TTC39A: variants seen among roughly 807,000 people sequenced by gnomAD.
TTC39A encodes tetratricopeptide repeat domain 39A.
TTC39A carries 46 observed loss-of-function variants against 82.3 expected under a neutral mutation model. The ratio of observed to expected loss-of-function variants is 0.56; its 90% CI spans 0.44 to 0.71. TTC39A has a LOEUF of 0.71. Ranked by LOEUF, TTC39A falls within the 30% of genes least tolerant of loss-of-function variation. The pLI is 0.00. For synonymous variants in TTC39A, 254 were observed against 275.2 expected (o/e 0.92, Z 0.76); for missense variants, 543 against 712.9 (o/e 0.76, Z 2.71).
At chr1:51,315,884 G>C (rs985781007) in intron 2 of TTC39A, among the ~76,000 whole-genome samples, 3 of 152,204 alleles carry the variant, frequency 2.0e-5, no homozygotes, top group African/African-American at 2.4e-5. Context: ...AGCTTCACGG[G>C]TGTGTGGTCT....
chr1:51,327,062 C>T (rs1351045896), intron 1 of TTC39A, among the ~76,000 whole-genome samples: 1 of 152,212 alleles, frequency 6.6e-6, no homozygotes, highest in African/African-American at 2.4e-5. Flanking sequence ...GAGCCGCCCC[C>T]ACTCTCCCCT....
intron 12 of TTC39A, chr1:51,300,438 G>T (rs1433971661): frequency 6.6e-6 from 1 of 152,404 alleles, no homozygotes; most frequent in Admixed American, 6.5e-5. Context: ...ATGTGGGTCA[G>T]TTCTAACGGC....
At chr1:51,326,685 C>G (rs1465762485) in intron 1 of TTC39A, among the ~76,000 whole-genome samples, 1 of 152,154 alleles carries the variant, frequency 6.6e-6, no homozygotes, top group African/African-American at 2.4e-5. Flanking sequence ...CTCTCAGGAG[C>G]CTGGGAGAAG....
chr1:51,315,364 C>G (rs1277402814), intron 2 of TTC39A, among the ~76,000 whole-genome samples: 1 of 152,206 alleles, frequency 6.6e-6, no homozygotes, highest in Non-Finnish European at 1.5e-5. Flanking sequence ...AGCTTGTACC[C>G]AAGTTTGTAT....
chr1:51,302,815 G>A (rs1644724084), intron 9 of TTC39A, among the ~76,000 whole-genome samples: 1 of 152,166 alleles, frequency 6.6e-6, no homozygotes, highest in Non-Finnish European at 1.5e-5. Context: ...AGAACCATAA[G>A]GTGCTGTACA....
chr1:51,309,457 C>A, intron 5 of TTC39A, 132 bp from the exon 6 acceptor site: 1 of 1,519,346 alleles, frequency 6.6e-7, no homozygotes, highest in Non-Finnish European at 8.8e-7. Context: ...GGAGGTCAGC[C>A]AAACCAGGCC....
intron 14 of TTC39A, among the ~76,000 whole-genome samples, chr1:51,291,240 C>T (rs1644202984): frequency 6.6e-6 from 1 of 152,128 alleles, no homozygotes; most frequent in Non-Finnish European, 1.5e-5. Flanking sequence ...CCTGTAATCC[C>T]AGCACTTTGG....
At chr1:51,314,971 C>T (rs1645229133) in intron 2 of TTC39A, among the ~76,000 whole-genome samples, 1 of 152,216 alleles carries the variant, frequency 6.6e-6, no homozygotes, top group Non-Finnish European at 1.5e-5. Flanking sequence ...TAAAGTCCTT[C>T]TCCTCGAGGA....
chr1:51,320,246 G>A lies in TTC39A; in HGVS notation c.146+1475C>T, dbSNP rs149187438. Among the ~76,000 whole-genome samples the A allele has an allele frequency of 4.6e-3, 701 of 152,004 alleles. 5 individuals are homozygous for A. Among genetic ancestry groups the A allele is most frequent in the African/African-American group, 0.015 (642 of 41,426 alleles). On this transcript the variant is annotated intron_variant, in intron 2 of 17. Coordinates refer to ENST00000680483, the MANE Select transcript of TTC39A (RefSeq NM_001297663.2). ...TGATGGAGTGGTTATAAAGACTTAC[G>A]GATAAATGTTTAGCAAATTAGGCCA...
chr1:51,294,318 C>T lies in TTC39A; in HGVS notation c.1266+73G>A, dbSNP rs371093230. The T allele has an allele frequency of 4.0e-5, 64 of 1,603,200 alleles. No homozygotes were observed. The East Asian group carries it at 1.1e-3, about 28-fold the overall frequency. ...GGTCTTTCTCCTCATCCACCTCCCC[C>T]TGGCTGTGGCTCTCAGTGAATCCCC... On this transcript the variant is annotated intron_variant, in intron 14 of 17. Transcript: ENST00000680483. The surrounding 1 kb of genome is among the most constrained non-coding windows in gnomAD (Gnocchi z 4.3).
chr1:51,311,725 ATGT>A (rs1188999139), intron 4 of TTC39A, among the ~76,000 whole-genome samples: 1 of 152,124 alleles, frequency 6.6e-6, no homozygotes, highest in Non-Finnish European at 1.5e-5. Context: ...ACTTCTTCTC[ATGT>A]TGTCCCATTG....
Position 51,294,660 on chromosome 1 carries a change from A to G in TTC39A, c.1146-149T>C. ...AGTGTTAGACTCTAAAGAGCCTTCT[A>G]GGTCTGAAATAGCCTGCGGCTATAA... On this transcript the variant is annotated intron_variant, in intron 13 of 17. Transcript: ENST00000680483. This position sits in a 1 kb window ranked among gnomAD's most constrained non-coding sequence, Gnocchi z 4.3. The G allele has an allele frequency of 7.9e-7, 1 of 1,259,482 alleles. No homozygotes were observed. The allele number at this position is 1,259,482 out of a possible 1,614,324, so 78.0% of individuals were successfully genotyped here. A position where few individuals can be genotyped will look rare whatever the true frequency, so the allele number is the denominator to read the frequency against.
intron 1 of TTC39A, chr1:51,344,898 C>T (rs2148326252): frequency 7.0e-7 from 1 of 1,438,512 alleles, no homozygotes; most frequent in Non-Finnish European, 9.3e-7. Context: ...CCCAGCTGTG[C>T]CTCTCAGCTG....
At chr1:51,290,853 G>A (rs889447401) in intron 14 of TTC39A, among the ~76,000 whole-genome samples, 3 of 152,216 alleles carry the variant, frequency 2.0e-5, no homozygotes, top group African/African-American at 4.8e-5. Flanking sequence ...GAAGATGTAA[G>A]ATGGACCAAT....
Position 51,321,657 on chromosome 1 carries a change from A to G in TTC39A, c.146+64T>C, listed in dbSNP as rs973135954. The G allele has an allele frequency of 8.5e-5, 127 of 1,490,970 alleles. No individual in the cohort carries two copies. The highest frequency in any genetic ancestry group is 1.1e-4 in the Non-Finnish European group (123 of 1,081,002). 92.4% of individuals were successfully genotyped at this position (1,490,970 alleles called of 1,614,324 possible). ...TAGTTACACAGGGTTCCTCTCATAC[A>G]AGACCTCTGGTTCTCCCTGACCGTC... On this transcript the variant is annotated intron_variant, in intron 2 of 17. Transcript: ENST00000680483. The surrounding 1 kb of genome is among the most constrained non-coding windows in gnomAD (Gnocchi z 4.6).
At chr1:51,306,943 T>C (rs1644893718) in intron 6 of TTC39A, among the ~76,000 whole-genome samples, 1 of 144,150 alleles carries the variant, frequency 6.9e-6, no homozygotes, top group South Asian at 2.2e-4. Flanking sequence ...AGTCTGGGGA[T>C]AGGAAAGGCT....
In TTC39A at chr1:51,306,076, C is replaced by T; in HGVS notation, c.489G>A (p.Lys163=). 2 of 1,613,614 alleles carry T rather than the reference C, an allele frequency of 1.2e-6. No individual in the cohort carries two copies. The highest frequency in any genetic ancestry group is 1.1e-5 in the South Asian group (1 of 91,062). Residue 163 remains lysine (K), a splice_region_variant and synonymous_variant, in exon 7 of 18, where the codon AAG becomes AAA. Transcript: ENST00000680483. ...AGGACTGAACAAGGCTGTCCAGCTC[C>T]CTGCAGAGAGATGCCAAGTCCTGTT... ...IKVRNSYQTY[K]ELDSLVQSSQ...
chr1:51,339,261 C>T (rs898561580), intron 1 of TTC39A, among the ~76,000 whole-genome samples: 1 of 152,134 alleles, frequency 6.6e-6, no homozygotes, highest in Admixed American at 6.5e-5. Flanking sequence ...GATGGGGTCT[C>T]TGATGTCCCA....
At chr1:51,336,315 C>G (rs901913953), upstream of TTC39A, among the ~76,000 whole-genome samples, 14 of 152,226 alleles carry the variant, frequency 9.2e-5, no homozygotes, top group African/African-American at 2.4e-4. Flanking sequence ...CTCTGCCCCC[C>G]GCTAGCTCTG....
Sources: allele counts gnomAD v4.1 joint callset (sites outside exome capture counted in the v4.1 genomes callset), GRCh38; gene constraint gnomAD v4.1.1; non-coding constraint Gnocchi (gnomAD v3.1); transcripts MANE v1.5; gene names NCBI Gene and HGNC (gene_info 2026-07-23, HGNC 2026-07-21).